The following THSD4 variants were observed in gnomAD, a reference collection of about 807,000 sequenced individuals.
THSD4 encodes the protein thrombospondin type-1 domain-containing protein 4.
Under a neutral mutation model 119.0 loss-of-function variants are expected in THSD4, and 69 were observed. The observed-to-expected ratio is 0.58, with a 90% CI of 0.48 to 0.71. THSD4 has a LOEUF of 0.71. Among genes scored for constraint, THSD4 ranks in the 30% least tolerant of loss-of-function variants. The probability of loss-of-function intolerance (pLI) is 0.00; values close to 1 mark genes in which losing one functional copy is unlikely to be tolerated. For synonymous variants in THSD4, 524 were observed against 540.4 expected (o/e 0.97, Z 0.42); for missense variants, 1,393 against 1,391.1 (o/e 1.00, Z -0.02).
At chr15:71,759,763 G>A (rs908206659) in intron 15 of THSD4, among the ~76,000 whole-genome samples, 1 of 152,120 alleles carries the variant, frequency 6.6e-6, no homozygotes, top group African/African-American at 2.4e-5. Flanking sequence ...CAGGATTCAG[G>A]GCCTTTTTTG....
chr15:71,311,541 C>T (rs545564067), intron 6 of THSD4, among the ~76,000 whole-genome samples: 17 of 152,278 alleles, frequency 1.1e-4, no homozygotes, highest in South Asian at 6.2e-4. Context: ...TGTCTGATCC[C>T]GGGGTTTCAT....
chr15:71,374,271 T>C (rs1358005180), intron 6 of THSD4, among the ~76,000 whole-genome samples: 1 of 152,204 alleles, frequency 6.6e-6, no homozygotes, highest in African/African-American at 2.4e-5. Flanking sequence ...TCATTTCAAA[T>C]GTACCATGAA....
chr15:71,140,774 A>C (rs1252087044), intron 1 of THSD4, among the ~76,000 whole-genome samples: 1 of 152,188 alleles, frequency 6.6e-6, no homozygotes, highest in African/African-American at 2.4e-5. Context: ...GTATATTCGC[A>C]GGGTTGTACA....
chr15:71,451,911 C>T (rs139625360), intron 7 of THSD4, among the ~76,000 whole-genome samples: 84 of 152,314 alleles, frequency 5.5e-4, no homozygotes, highest in Non-Finnish European at 9.3e-4. Flanking sequence ...ATTGCCTGGT[C>T]TCTGGGACCT....
At chr15:71,317,542 C>T (rs1035462300) in intron 6 of THSD4, among the ~76,000 whole-genome samples, 1 of 152,152 alleles carries the variant, frequency 6.6e-6, no homozygotes, top group Non-Finnish European at 1.5e-5. Context: ...AAAACACACC[C>T]CCATGATTCA....
At position 71,575,425 on chromosome 15, in the gene THSD4, A is replaced by C. The variant is rs139348773; in HGVS notation, c.1153-85105A>C. Among the ~76,000 whole-genome samples the C allele has an allele frequency of 1.5e-3, 222 of 152,340 alleles. 5 individuals are homozygous for C. In the East Asian group the frequency reaches 0.037, roughly 25 times the overall value. Reference sequence around the variant, plus strand: ...AAACTAGAAGGTAGCTTTGAATTGCATACTTTGTAAGTTGCCTAAAATCCT... The same window carrying C: ...AAACTAGAAGGTAGCTTTGAATTGCCTACTTTGTAAGTTGCCTAAAATCCT... On this transcript the variant is annotated intron_variant, in intron 7 of 17. Coordinates refer to ENST00000261862, the MANE Select transcript of THSD4 (RefSeq NM_024817.3).
At chr15:71,482,443 A>G (rs2047747357) in intron 7 of THSD4, among the ~76,000 whole-genome samples, 2 of 150,868 alleles carry the variant, frequency 1.3e-5, no homozygotes, top group African/African-American at 4.9e-5. Context: ...GGCACCTGCC[A>G]CCACACCCAG....
intron 6 of THSD4, among the ~76,000 whole-genome samples, chr15:71,354,580 C>G (rs990685015): frequency 2.0e-5 from 3 of 152,208 alleles, no homozygotes; most frequent in Non-Finnish European, 4.4e-5. Context: ...ATGTGCCAAA[C>G]AAAGCCATTG....
At chr15:71,759,562 A>G (rs1018882188) in intron 15 of THSD4, among the ~76,000 whole-genome samples, 1 of 152,234 alleles carries the variant, frequency 6.6e-6, no homozygotes, top group Non-Finnish European at 1.5e-5. Flanking sequence ...AGCTATTTCT[A>G]TCTCATTACT....
chr15:71,263,018 G>T (rs893683798), intron 6 of THSD4, among the ~76,000 whole-genome samples: 7 of 151,656 alleles, frequency 4.6e-5, no homozygotes, highest in African/African-American at 9.7e-5. Flanking sequence ...TTATTACATA[G>T]GCAAACGTGT....
At chr15:71,774,304 CTG>C (rs1317420955) in intron 17 of THSD4, among the ~76,000 whole-genome samples, 2 of 88,928 alleles carry the variant, frequency 2.2e-5, no homozygotes, top group African/African-American at 1.0e-4. Flanking sequence ...GAGTGAGACT[CTG>C]TCTCAAAAAA....
intron 6 of THSD4, among the ~76,000 whole-genome samples, chr15:71,386,801 T>G (rs1426079555): frequency 6.6e-6 from 1 of 152,234 alleles, no homozygotes; most frequent in African/African-American, 2.4e-5. Context: ...AAGTGTTACC[T>G]GAGTTCCTAA....
At chr15:71,776,639 G>T (rs983238179) in intron 17 of THSD4, among the ~76,000 whole-genome samples, 1 of 152,006 alleles carries the variant, frequency 6.6e-6, no homozygotes, top group African/African-American at 2.4e-5. Flanking sequence ...ACCCAGCAAG[G>T]CCCAGGCAGA....
intron 7 of THSD4, among the ~76,000 whole-genome samples, chr15:71,432,254 A>G (rs2046952665): frequency 6.6e-6 from 1 of 152,192 alleles, no homozygotes; most frequent in Admixed American, 6.5e-5. Flanking sequence ...CCCTTCTGGA[A>G]TGTTCAAAAG....
rs1231141688 is a variant in THSD4 at position 71,199,648 on chromosome 15, G to A, written c.100-15387G>A. Among the ~76,000 whole-genome samples the A allele has an allele frequency of 3.1e-3, 148 of 48,080 alleles. 2 individuals are homozygous for A. The highest frequency in any genetic ancestry group is 0.015 in the African/African-American group (146 of 9,666). The allele number at this position is 48,080 out of a possible 152,430, so 31.5% of individuals were successfully genotyped here. ...GTGTGGTGTGTGTGGTGTGTGTGTGGTGTGTGTGTGTGATGCATGTGTGGA... is the reference window on the plus strand; with the variant it reads ...GTGTGGTGTGTGTGGTGTGTGTGTGATGTGTGTGTGTGATGCATGTGTGGA... On this transcript the variant is annotated intron_variant, in intron 3 of 17. Coordinates refer to ENST00000261862, the MANE Select transcript of THSD4 (RefSeq NM_024817.3).
chr15:71,370,163 T>G (rs1596374496), intron 6 of THSD4, among the ~76,000 whole-genome samples: 2 of 152,252 alleles, frequency 1.3e-5, no homozygotes, highest in Non-Finnish European at 1.5e-5. Flanking sequence ...TCTATTTGAT[T>G]CTTCTCTCTT....
intron 7 of THSD4, among the ~76,000 whole-genome samples, chr15:71,560,452 T>C (rs945738680): frequency 2.0e-5 from 3 of 152,190 alleles, no homozygotes; most frequent in Non-Finnish European, 4.4e-5. Context: ...GGCTAAGATA[T>C]AAATTACTCT....
chr15:71,619,223 C>T (rs1264025002), intron 7 of THSD4, among the ~76,000 whole-genome samples: 2 of 152,150 alleles, frequency 1.3e-5, no homozygotes, highest in Non-Finnish European at 2.9e-5. Context: ...CCACCTACCT[C>T]AGCCTCCCAA....
At chr15:71,234,857 G>A (rs555472795) in intron 4 of THSD4, among the ~76,000 whole-genome samples, 2 of 152,260 alleles carry the variant, frequency 1.3e-5, no homozygotes, top group South Asian at 4.1e-4. Context: ...GAAGTGCACT[G>A]GCCAGTTCCT....
Sources: gnomAD v4.1 joint callset for allele counts (sites outside exome capture counted in the v4.1 genomes callset) on GRCh38, gnomAD v4.1.1 for gene constraint, MANE v1.5 for transcripts, NCBI Gene and HGNC (gene_info 2026-07-23, HGNC 2026-07-21) for gene names.